CACNA1B: variants seen among roughly 807,000 people sequenced by gnomAD.
The protein encoded by CACNA1B is calcium voltage-gated channel subunit alpha1 B.
Under a neutral mutation model 247.2 loss-of-function variants are expected in CACNA1B, and 70 were observed. The ratio of observed to expected loss-of-function variants is 0.28; its 90% CI spans 0.23 to 0.35. CACNA1B has a LOEUF of 0.35. Ranked by LOEUF, CACNA1B falls within the 10% of genes least tolerant of loss-of-function variation. CACNA1B has a pLI of 1.00. For synonymous variants in CACNA1B, 1,231 were observed against 1,294.4 expected (o/e 0.95, Z 1.05); for missense variants, 2,367 against 3,197.4 (o/e 0.74, Z 6.26).
chr9:137,894,465 A>C lies in CACNA1B; in HGVS notation c.530+11582A>C, dbSNP rs1052420223. On this transcript the variant is annotated intron_variant, in intron 3 of 46. Transcript: ENST00000371372. ...AGTCTCGCTCTGTCATCCAGGCTGG[A>C]GTGCAGTGGCTCTATCTCAGGTCAC... 4.6e-5 allele frequency among the ~76,000 whole-genome samples: 7 copies of C among 151,740 alleles called. No individual in the cohort carries two copies. The East Asian group carries it at 1.3e-3, about 29-fold the overall frequency.
In CACNA1B at chr9:138,100,139, G is replaced by A. The variant is rs770392255; in HGVS notation, c.5223-2572G>A. Among the ~76,000 whole-genome samples the A allele has an allele frequency of 1.3e-5, 2 of 152,222 alleles. No homozygotes were observed. Among genetic ancestry groups the A allele is most frequent in the African/African-American group, 2.4e-5 (1 of 41,458 alleles). Reference sequence around the variant, plus strand: ...TGAACTTAAAGGAATAGGAAGGATTGAGCACTAGAGAAATAGGATGGATTG... The same window carrying A: ...TGAACTTAAAGGAATAGGAAGGATTAAGCACTAGAGAAATAGGATGGATTG... On this transcript the variant is annotated intron_variant, in intron 37 of 46. Transcript: ENST00000371372. This position sits in a 1 kb window ranked among gnomAD's most constrained non-coding sequence, Gnocchi z 4.6.
chr9:137,888,394 G>A lies in CACNA1B; in HGVS notation c.530+5511G>A, dbSNP rs1463540434. Among the ~76,000 whole-genome samples, 2 of 152,158 alleles carry A rather than the reference G, an allele frequency of 1.3e-5. No individual in the cohort carries two copies. The highest frequency in any genetic ancestry group is 1.3e-4 in the Admixed American group (2 of 15,280). ...AAGCCCCTGTCAAGCCTCTGGCCCT[G>A]TGGGGCTGGTTGCACCTGGGGGTCA... On this transcript the variant is annotated intron_variant, in intron 3 of 46. Coordinates refer to ENST00000371372, the MANE Select transcript of CACNA1B (RefSeq NM_000718.4). This position sits in a 1 kb window ranked among gnomAD's most constrained non-coding sequence, Gnocchi z 4.7.
chr9:138,039,509 T>G (rs977783638), intron 20 of CACNA1B, among the ~76,000 whole-genome samples: 1 of 152,318 alleles, frequency 6.6e-6, no homozygotes, highest in African/African-American at 2.4e-5. Flanking sequence ...TTCTGTAGAT[T>G]ATTTTGTTTT....
At chr9:138,000,297 A>C (rs1056151465) in intron 15 of CACNA1B, among the ~76,000 whole-genome samples, 4 of 152,044 alleles carry the variant, frequency 2.6e-5, no homozygotes, top group Admixed American at 6.6e-5. Context: ...ACAGGGTTTC[A>C]CCGTGTTAGC....
rs761728909 is a variant in CACNA1B, at chr9:138,052,222, C to CTG, written c.3807+45_3807+46dup. The CTG allele has an allele frequency of 5.0e-5, 54 of 1,080,132 alleles. No individual in the cohort carries two copies. The highest frequency in any genetic ancestry group is 2.1e-4 in the Middle Eastern group (1 of 4,826). 66.9% of individuals were successfully genotyped at this position (1,080,132 alleles called of 1,614,324 possible). On this transcript the variant is annotated intron_variant, in intron 25 of 46. Transcript: ENST00000371372. This position sits in a 1 kb window ranked among gnomAD's most constrained non-coding sequence, Gnocchi z 5.1. ...CTGGAGTTGGGGCTTGAGGGATGTGCTGTGTGTGTGTGCGTGTGTGTGTGT... is the reference window on the plus strand; with the variant it reads ...CTGGAGTTGGGGCTTGAGGGATGTGCTGTGTGTGTGTGTGCGTGTGTGTGTGT...
intron 32 of CACNA1B, among the ~76,000 whole-genome samples, chr9:138,070,111 A>T (rs1469229478): frequency 6.6e-6 from 1 of 152,178 alleles, no homozygotes; most frequent in East Asian, 1.9e-4. Flanking sequence ...TTTGCAGGAC[A>T]TGAGTTTGTC....
chr9:138,120,991 T>G, intron 46 of CACNA1B, 110 bp downstream of exon 46: 2 of 1,292,406 alleles, frequency 1.5e-6, no homozygotes, highest in Non-Finnish European at 2.1e-6. Flanking sequence ...CCCTTTGTCA[T>G]TCCCAGCAAC....
Position 138,108,073 on chromosome 9 carries a change from A to G in CACNA1B, c.5428+2266A>G, listed in dbSNP as rs1306970500. The stretch of plus-strand genomic sequence containing the variant: ...ATAACCAGGCCAGGTGCCCTGGCTT[A>G]TGCCTGTAATCCCAGCAGTTTTTGA... On this transcript the variant is annotated intron_variant, in intron 39 of 46. Transcript: ENST00000371372. 2.7e-5 allele frequency among the ~76,000 whole-genome samples: 4 copies of G among 150,288 alleles called. No individual in the cohort carries two copies. The East Asian group carries it at 6.0e-4, about 22-fold the overall frequency.
intron 20 of CACNA1B, among the ~76,000 whole-genome samples, chr9:138,026,105 T>C (rs1958917958): frequency 6.6e-6 from 1 of 152,256 alleles, no homozygotes; most frequent in Non-Finnish European, 1.5e-5. Context: ...TGCCCATGTT[T>C]GCAGACAGAT....
chr9:138,023,637 G>A lies in CACNA1B; in HGVS notation c.2894G>A (p.Gly965Glu), dbSNP rs1401050640. 6 of 1,365,858 alleles carry A rather than the reference G, an allele frequency of 4.4e-6. No individual in the cohort carries two copies. The highest frequency in any genetic ancestry group is 2.7e-4 in the Middle Eastern group (1 of 3,640). 84.6% of individuals were successfully genotyped at this position (1,365,858 alleles called of 1,614,324 possible). A position where few individuals can be genotyped will look rare whatever the true frequency, so the allele number is the denominator to read the frequency against. ...CGGCACCGCGGCGGCCCCCGAGCGGGGCCCCGGGAGGCGGAGAGCGGGGAG... is the reference window on the plus strand; with the variant it reads ...CGGCACCGCGGCGGCCCCCGAGCGGAGCCCCGGGAGGCGGAGAGCGGGGAG... Reference protein sequence around the residue: ...RARHRGGPRAGPREAESGEEP... With the variant: ...RARHRGGPRAEPREAESGEEP... The change falls in exon 19 of 47, where the codon GGG becomes GAG. Residue 965 changes from glycine (G) to glutamate (E), a missense_variant. Around this residue, in one of 12 missense-constraint regions of CACNA1B, gnomAD observed 631 missense variants for 631.1 expected, o/e 1.00. Transcript: ENST00000371372.
rs896528428 is a variant in CACNA1B at position 138,025,218 on chromosome 9, G to T, written c.3286+46G>T. On this transcript the variant is annotated intron_variant, in intron 20 of 46. Transcript: ENST00000371372. ...GTGGGGCAGGGCCCATCTTGTGCAG[G>T]TCCAGCAACCCCCATTCCCTCCTGC... 8 of 1,349,024 alleles carry T rather than the reference G, an allele frequency of 5.9e-6. No individual in the cohort carries two copies. In the Admixed American group the frequency reaches 1.4e-4, roughly 23 times the overall value. 83.6% of individuals were successfully genotyped at this position (1,349,024 alleles called of 1,614,324 possible). A position where few individuals can be genotyped will look rare whatever the true frequency, so the allele number is the denominator to read the frequency against.
At position 138,025,097 on chromosome 9, in the gene CACNA1B, C is replaced by T. The variant is rs1353953687; in HGVS notation, c.3211C>T (p.Pro1071Ser). 1 of 1,613,380 alleles carries T rather than the reference C, an allele frequency of 6.2e-7. No homozygotes were observed. Among genetic ancestry groups the T allele is most frequent in the Non-Finnish European group, 8.5e-7 (1 of 1,179,580 alleles). Reference sequence around the variant, plus strand: ...GAACGTCACTCGCATGGGCAGTCAGCCCCCAGACCCGAACACTATTGTACA... The same window carrying T: ...GAACGTCACTCGCATGGGCAGTCAGTCCCCAGACCCGAACACTATTGTACA... ...QRNVTRMGSQ[P>S]PDPNTIVHIP... Residue 1071 changes from proline (P) to serine (S), a missense_variant, in exon 20 of 47, where the codon CCC becomes TCC. Pro to Ser is a moderately conservative substitution (Grantham distance 74, BLOSUM62 -1). Coordinates refer to ENST00000371372, the MANE Select transcript of CACNA1B (RefSeq NM_000718.4).
rs1446670983 is a variant in CACNA1B at position 138,123,878 on chromosome 9, G to A, written c.*1879G>A. ...CTGTGCTCCTGTTGCAAAGTAGAAG[G>A]ATGTGTATTTTGACACTGACGTTTT... On this transcript the variant is annotated 3_prime_UTR_variant, in exon 47 of 47. Coordinates refer to ENST00000371372, the MANE Select transcript of CACNA1B (RefSeq NM_000718.4). 1 of 152,148 alleles carries A rather than the reference G, an allele frequency of 6.6e-6. No individual in the cohort carries two copies. The allele number at this position is 152,148 out of a possible 1,614,324, so 9.4% of individuals were successfully genotyped here. A position where few individuals can be genotyped will look rare whatever the true frequency, so the allele number is the denominator to read the frequency against.
chr9:137,942,422 C>T (rs1957743691), intron 6 of CACNA1B, among the ~76,000 whole-genome samples: 1 of 152,176 alleles, frequency 6.6e-6, no homozygotes, highest in Non-Finnish European at 1.5e-5. Flanking sequence ...GTGGAGATTC[C>T]TTAAAGAACT....
rs958126621 is a variant in CACNA1B at position 137,914,823 on chromosome 9, C to T, written c.775+17C>T. 6.2e-7 allele frequency: 1 copy of T among 1,613,146 alleles called. No individual in the cohort carries two copies. The highest frequency in any genetic ancestry group is 8.5e-7 in the Non-Finnish European group (1 of 1,179,414). On this transcript the variant is annotated intron_variant, in intron 5 of 46. Coordinates refer to ENST00000371372, the MANE Select transcript of CACNA1B (RefSeq NM_000718.4). This position sits in a 1 kb window ranked among gnomAD's most constrained non-coding sequence, Gnocchi z 4.3. ...ACAGCACAGGTGAGGCCAGGCAGCA[C>T]CCTCCAGCACAGGCAAGTGCCACGG...
rs1458228530 is a variant in CACNA1B, at chr9:137,913,689, G to T, written c.622+418G>T. 6.6e-6 allele frequency among the ~76,000 whole-genome samples: 1 copy of T among 152,218 alleles called. No individual in the cohort carries two copies. The highest frequency in any genetic ancestry group is 1.5e-5 in the Non-Finnish European group (1 of 68,046). ...CTTGTCAGGGCCACTGGGGACTGAG[G>T]CCAGCCTTAAGACATGCTCCTGAAG... On this transcript the variant is annotated intron_variant, in intron 4 of 46. Coordinates refer to ENST00000371372, the MANE Select transcript of CACNA1B (RefSeq NM_000718.4). This position sits in a 1 kb window ranked among gnomAD's most constrained non-coding sequence, Gnocchi z 5.2.
At chr9:138,000,304 T>G (rs752279452) in intron 15 of CACNA1B, among the ~76,000 whole-genome samples, 60 of 152,184 alleles carry the variant, frequency 3.9e-4, no homozygotes, top group Non-Finnish European at 5.9e-4. Flanking sequence ...TTCACCGTGT[T>G]AGCCAGGATG....
chr9:138,052,292 T>A lies in CACNA1B; in HGVS notation c.3807+104T>A, dbSNP rs564953598. On this transcript the variant is annotated intron_variant, in intron 25 of 46. Coordinates refer to ENST00000371372, the MANE Select transcript of CACNA1B (RefSeq NM_000718.4). This position sits in a 1 kb window ranked among gnomAD's most constrained non-coding sequence, Gnocchi z 5.1. ...CATGCAGTGCATGAGTGTGTGTGTG[T>A]TCACATCACACCCCTGTGTGAGGGG... The A allele has an allele frequency of 1.5e-6, 1 of 668,356 alleles. No individual in the cohort carries two copies. The highest frequency in any genetic ancestry group is 1.7e-5 in the South Asian group (1 of 58,916). 41.4% of individuals were successfully genotyped at this position (668,356 alleles called of 1,614,324 possible). A position where few individuals can be genotyped will look rare whatever the true frequency, so the allele number is the denominator to read the frequency against.
Position 137,882,132 on chromosome 9 carries a change from T to A in CACNA1B, c.391-612T>A, listed in dbSNP as rs2133220323. On this transcript the variant is annotated intron_variant, in intron 2 of 46. Coordinates refer to ENST00000371372, the MANE Select transcript of CACNA1B (RefSeq NM_000718.4). This position sits in a 1 kb window ranked among gnomAD's most constrained non-coding sequence, Gnocchi z 4.0. ...TCTGCCGAGATGTGCATGTTCTGGT[T>A]ACCCGGGTGCATGTTGAATGCATAA... Among the ~76,000 whole-genome samples the A allele has an allele frequency of 6.6e-6, 1 of 152,284 alleles. No individual in the cohort carries two copies. Among genetic ancestry groups the A allele is most frequent in the Middle Eastern group, 3.4e-3 (1 of 294 alleles).
Sources: gnomAD v4.1 joint callset for allele counts (sites outside exome capture counted in the v4.1 genomes callset) on GRCh38, gnomAD v4.1.1 for gene constraint, gnomAD v4.1.1 regional missense constraint, Gnocchi (gnomAD v3.1) non-coding constraint, MANE v1.5 for transcripts, NCBI Gene and HGNC (gene_info 2026-07-23, HGNC 2026-07-21) for gene names.